RASIP1: variants seen among roughly 807,000 people sequenced by gnomAD.
RASIP1 encodes the protein ras-interacting protein 1.
Under a neutral mutation model 85.3 loss-of-function variants are expected in RASIP1, and 20 were observed. The observed-to-expected ratio is 0.23, with a 90% confidence interval of 0.17 to 0.34. The LOEUF (loss-of-function observed/expected upper bound fraction) is 0.34. Ranked by LOEUF, RASIP1 falls within the 10% of genes least tolerant of loss-of-function variation. The pLI, the probability that RASIP1 is intolerant of heterozygous loss-of-function variation, is 1.00. For synonymous variants in RASIP1, 617 were observed against 647.1 expected, an observed-to-expected ratio of 0.95 and a Z score of 0.71; for missense variants, 1,170 against 1,390.9, an observed-to-expected ratio of 0.84 and a Z score of 2.53.
rs1284532057 is a variant in RASIP1, at chr19:48,740,284, G to A, written c.-2C>T. On this transcript the variant is annotated splice_region_variant and 5_prime_UTR_variant, in exon 2 of 12. Coordinates refer to ENST00000222145, the MANE Select transcript of RASIP1 (RefSeq NM_017805.3). The surrounding 1 kb of genome is among the most constrained non-coding windows in gnomAD (Gnocchi z 5.5). ...CTCCTTCCGTTCACCAGACAGCATGGCCCTAAGGGAAGGCGGGTAAGGCCC... is the reference window on the plus strand; with the variant it reads ...CTCCTTCCGTTCACCAGACAGCATGACCCTAAGGGAAGGCGGGTAAGGCCC... The A allele has an allele frequency of 1.3e-6, 2 of 1,576,106 alleles. No homozygotes were observed. The highest frequency in any genetic ancestry group is 1.4e-5 in the African/African-American group (1 of 71,820).
intron 8 of RASIP1, 137 bp from the exon 9 acceptor site, chr19:48,725,097 A>G: frequency 9.6e-7 from 1 of 1,044,880 alleles, no homozygotes; most frequent in Admixed American, 2.8e-5. Flanking sequence ...TCAACACCCA[A>G]AGGGTCTCCG....
chr19:48,720,757 C>A lies in RASIP1; in HGVS notation c.*41G>T, dbSNP rs781075400. On this transcript the variant is annotated 3_prime_UTR_variant, in exon 12 of 12. Coordinates refer to ENST00000222145, the MANE Select transcript of RASIP1 (RefSeq NM_017805.3). The stretch of plus-strand genomic sequence containing the variant: ...AGGCGGGCTCCTGTCCGTAGAAGCC[C>A]GTGACATTTCAAGGTTCGCGCGCTC... The A allele has an allele frequency of 5.0e-6, 8 of 1,596,428 alleles. No individual in the cohort carries two copies. The African/African-American group carries it at 1.1e-4, about 21-fold the overall frequency.
In RASIP1 at chr19:48,740,415, G is replaced by T; in HGVS notation, c.-5+106C>A. The T allele has an allele frequency of 1.4e-6, 2 of 1,405,862 alleles. No homozygotes were observed. The highest frequency in any genetic ancestry group is 1.4e-5 in the South Asian group (1 of 69,030). The allele number at this position is 1,405,862 out of a possible 1,614,324, so 87.1% of individuals were successfully genotyped here. On this transcript the variant is annotated intron_variant, in intron 1 of 11. Coordinates refer to ENST00000222145, the MANE Select transcript of RASIP1 (RefSeq NM_017805.3). The surrounding 1 kb of genome is among the most constrained non-coding windows in gnomAD (Gnocchi z 5.5). The stretch of plus-strand genomic sequence containing the variant: ...GACTTGCGAGTCCAGGGGGAGGAGA[G>T]GGATGGTACCCTGGATTCCTGGGTC...
intron 8 of RASIP1, among the ~76,000 whole-genome samples, chr19:48,725,991 A>T (rs190548380): frequency 6.6e-6 from 1 of 152,118 alleles, no homozygotes; most frequent in East Asian, 1.9e-4. Context: ...CAATGGTGCG[A>T]TTTCAGCTCA....
intron 10 of RASIP1, among the ~76,000 whole-genome samples, chr19:48,722,439 T>A (rs2033266165): frequency 6.6e-6 from 1 of 151,504 alleles, no homozygotes; most frequent in African/African-American, 2.4e-5. Context: ...CAAGTGATCC[T>A]TGGCCCCAGC....
At position 48,738,804 on chromosome 19, in the gene RASIP1, A is replaced by G; in HGVS notation, c.823+156T>C. Reference sequence around the variant, plus strand: ...CCGGCCCTGCTCTAGCTCTGCCTAGAGTCCAACACGCACCGTCCAGTCCCC... The same window carrying G: ...CCGGCCCTGCTCTAGCTCTGCCTAGGGTCCAACACGCACCGTCCAGTCCCC... On this transcript the variant is annotated intron_variant, in intron 3 of 11. Coordinates refer to ENST00000222145, the MANE Select transcript of RASIP1 (RefSeq NM_017805.3). This position sits in a 1 kb window ranked among gnomAD's most constrained non-coding sequence, Gnocchi z 4.0. 1.1e-6 allele frequency: 1 copy of G among 952,296 alleles called. No individual in the cohort carries two copies. Among genetic ancestry groups the G allele is most frequent in the Non-Finnish European group, 1.3e-6 (1 of 748,776 alleles). The allele number at this position is 952,296 out of a possible 1,614,324, so 59.0% of individuals were successfully genotyped here.
In RASIP1 at chr19:48,739,027, G is replaced by C; in HGVS notation, c.756C>G (p.Phe252Leu). 1 of 1,245,784 alleles carries C rather than the reference G, an allele frequency of 8.0e-7. No individual in the cohort carries two copies. The highest frequency in any genetic ancestry group is 1.0e-6 in the Non-Finnish European group (1 of 998,642). The allele number at this position is 1,245,784 out of a possible 1,614,324, so 77.2% of individuals were successfully genotyped here. Residue 252 changes from phenylalanine (F) to leucine (L), a missense_variant, in exon 3 of 12, where the codon TTC becomes TTG. Phe to Leu is a conservative substitution (Grantham distance 22). This residue lies in a region of RASIP1 where 299 missense variants were observed against 394.4 expected (regional missense o/e 0.76). Transcript: ENST00000222145. The surrounding 1 kb of genome is among the most constrained non-coding windows in gnomAD (Gnocchi z 9.2). Reference sequence around the variant, plus strand: ...GCGCCTCCTCGCGGCCGCGCAACTCGAAGCGCCGCGCCCAGCCGGGCCGCG... The same window carrying C: ...GCGCCTCCTCGCGGCCGCGCAACTCCAAGCGCCGCGCCCAGCCGGGCCGCG... ...WRARPGWARR[F>L]ELRGREEARR...
intron 3 of RASIP1, among the ~76,000 whole-genome samples, chr19:48,735,837 C>T (rs1013704378): frequency 6.6e-6 from 1 of 151,744 alleles, no homozygotes; most frequent in African/African-American, 2.4e-5. Flanking sequence ...GCTCTGTCGC[C>T]CAGGCTGGAG....
intron 4 of RASIP1, among the ~76,000 whole-genome samples, chr19:48,732,240 A>T (rs114275835): frequency 0.02 from 2,946 of 149,704 alleles, 94 homozygotes; most frequent in African/African-American, 0.07. Context: ...ACACCTGGCT[A>T]ATTTTTGTTT....
Position 48,720,948 on chromosome 19 carries a change from C to T in RASIP1, c.2742G>A (p.Leu914=), listed in dbSNP as rs139276826. The part of the protein sequence containing the change: ...FSSHPPLILP[L]GSSRLRLTGP... ...CAGTGAGGCGCAGGCGCGAGCTCCC[C>T]AGGGGGAGGATGAGGGGCGGGTGCG... The change falls in exon 12 of 12, where the codon CTG becomes CTA. Residue 914 remains leucine, a synonymous_variant. Coordinates refer to ENST00000222145, the MANE Select transcript of RASIP1 (RefSeq NM_017805.3). 6.2e-7 allele frequency: 1 copy of T among 1,612,826 alleles called. No homozygotes were observed. Among genetic ancestry groups the T allele is most frequent in the Non-Finnish European group, 8.5e-7 (1 of 1,179,688 alleles).
intron 4 of RASIP1, among the ~76,000 whole-genome samples, chr19:48,734,491 T>TC (rs199898120): frequency 0.41 from 53,762 of 131,692 alleles, 10,732 homozygotes; most frequent in East Asian, 0.8. Flanking sequence ...TTTTTCTTTC[T>TC]TTTTTTTTTT....
At chr19:48,732,129 T>G (rs373542593) in intron 4 of RASIP1, among the ~76,000 whole-genome samples, 3 of 151,398 alleles carry the variant, frequency 2.0e-5, no homozygotes, top group African/African-American at 7.3e-5. Flanking sequence ...TGCAGTGGCA[T>G]TATCTTGGTT....
chr19:48,724,940 A>G lies in RASIP1; in HGVS notation c.2148T>C (p.Pro716=), dbSNP rs150685376. The G allele has an allele frequency of 1.2e-6, 2 of 1,613,346 alleles. No individual in the cohort carries two copies. The highest frequency in any genetic ancestry group is 2.2e-5 in the East Asian group (1 of 44,852). Residue 716 remains proline (P), a synonymous_variant, in exon 9 of 12, where the codon CCT becomes CCC. Coordinates refer to ENST00000222145, the MANE Select transcript of RASIP1 (RefSeq NM_017805.3). The surrounding 1 kb of genome is among the most constrained non-coding windows in gnomAD (Gnocchi z 4.6). ...TGAAAGGGTTACTATCCAGGAGAGC[A>G]GGCAGCGTTGAATAGAGAGTCTGAG... ...YLTKTLYSTL[P]ALLDSNPFTA...
At position 48,728,919 on chromosome 19, in the gene RASIP1, C is replaced by A; in HGVS notation, c.1833+18G>T. ...TTGGGGCGCTGGTGGGGCTGGACGGCGATTGGGGGGCGCTCACCCAGACGG... is the reference window on the plus strand; with the variant it reads ...TTGGGGCGCTGGTGGGGCTGGACGGAGATTGGGGGGCGCTCACCCAGACGG... On this transcript the variant is annotated intron_variant, in intron 5 of 11. Coordinates refer to ENST00000222145, the MANE Select transcript of RASIP1 (RefSeq NM_017805.3). The A allele has an allele frequency of 7.0e-7, 1 of 1,431,608 alleles. No individual in the cohort carries two copies. The highest frequency in any genetic ancestry group is 9.1e-7 in the Non-Finnish European group (1 of 1,102,694). The allele number at this position is 1,431,608 out of a possible 1,614,324, so 88.7% of individuals were successfully genotyped here.
Position 48,724,411 on chromosome 19 carries a change from T to C in RASIP1, c.2470A>G (p.Ile824Val). ...DWLQGAGLGD[I>V]ATEFFRKLSM... ...AGTTTCCGGAAGAACTCAGTGGCAA[T>C]GTCGCCCAGCCCAGCTCCCTGTAGC... Residue 824 changes from isoleucine (I) to valine (V), a missense_variant, in exon 10 of 12, where the codon ATT (isoleucine) becomes GTT (valine). Transcript: ENST00000222145. The surrounding 1 kb of genome is among the most constrained non-coding windows in gnomAD (Gnocchi z 4.6). 6.2e-7 allele frequency: 1 copy of C among 1,614,136 alleles called. No homozygotes were observed. Among genetic ancestry groups the C allele is most frequent in the Non-Finnish European group, 8.5e-7 (1 of 1,180,008 alleles).
rs201718967 is a variant in RASIP1, at chr19:48,735,551, C to T, written c.824G>A (p.Gly275Asp). ...QEAFGAADSEGTGAPSWRPQK... is the reference protein window; with the variant it reads ...QEAFGAADSEDTGAPSWRPQK... ...TGGCCGCCACGAAGGGGCGCCGGTG[C>T]CTGCGGAGAGATGGAGAACAGTGAG... Residue 275 changes from glycine to aspartate, a missense_variant and splice_region_variant, in exon 4 of 12, where the codon GGC becomes GAC. Physicochemically the swap from Gly to Asp is moderately conservative, Grantham distance 94. This residue lies in a region of RASIP1 where 301 missense variants were observed against 294.8 expected (regional missense o/e 1.02). Transcript: ENST00000222145. The T allele has an allele frequency of 6.5e-7, 1 of 1,530,918 alleles. No individual in the cohort carries two copies. Among genetic ancestry groups the T allele is most frequent in the Non-Finnish European group, 8.8e-7 (1 of 1,137,516 alleles). The allele number at this position is 1,530,918 out of a possible 1,614,324, so 94.8% of individuals were successfully genotyped here. A position where few individuals can be genotyped will look rare whatever the true frequency, so the allele number is the denominator to read the frequency against.
At position 48,724,867 on chromosome 19, in the gene RASIP1, G is replaced by C. The variant is rs748122600; in HGVS notation, c.2221C>G (p.Pro741Ala). 1.9e-6 allele frequency: 3 copies of C among 1,614,126 alleles called. No individual in the cohort carries two copies. Among genetic ancestry groups the C allele is most frequent in the Non-Finnish European group, 2.5e-6 (3 of 1,180,056 alleles). ...CCCAGGGTAGGTCTCAATCCTGGAG[G>C]CATGGCCCCCAGCTCCGCGCCAGGC... ...PGPGAELGAM[P>A]PGLRPTLGVF... Residue 741 changes from proline (P) to alanine (A), a missense_variant, in exon 9 of 12, where the codon CCT becomes GCT. Physicochemically the swap from Pro to Ala is conservative, Grantham distance 27. Coordinates refer to ENST00000222145, the MANE Select transcript of RASIP1 (RefSeq NM_017805.3). The surrounding 1 kb of genome is among the most constrained non-coding windows in gnomAD (Gnocchi z 4.6).
chr19:48,721,474 G>A (rs763254616), intron 11 of RASIP1, among the ~76,000 whole-genome samples: 2 of 152,110 alleles, frequency 1.3e-5, no homozygotes, highest in Non-Finnish European at 2.9e-5. Context: ...CAGAATCTGG[G>A]GTTAGAAGGA....
Position 48,720,940 on chromosome 19 carries a change from G to A in RASIP1, c.2750C>T (p.Ser917Leu), listed in dbSNP as rs2033219277. The change falls in exon 12 of 12, where the codon TCG (serine) becomes TTG (leucine). Residue 917 changes from serine (S) to leucine (L), a missense_variant. By Grantham distance (145) the Ser-to-Leu change is moderately radical. This residue lies in a region of RASIP1 where 144 missense variants were observed against 125.5 expected (regional missense o/e 1.15). Coordinates refer to ENST00000222145, the MANE Select transcript of RASIP1 (RefSeq NM_017805.3). ...CACTGGACCAGTGAGGCGCAGGCGC[G>A]AGCTCCCCAGGGGGAGGATGAGGGG... The part of the protein sequence containing the change: ...HPPLILPLGS[S>L]RLRLTGPVTD... 6.2e-7 allele frequency: 1 copy of A among 1,613,310 alleles called. No individual in the cohort carries two copies. The highest frequency in any genetic ancestry group is 8.5e-7 in the Non-Finnish European group (1 of 1,179,876).
Sources: gnomAD v4.1 joint callset for allele counts (sites outside exome capture counted in the v4.1 genomes callset) on GRCh38, gnomAD v4.1.1 for gene constraint, gnomAD v4.1.1 regional missense constraint, Gnocchi (gnomAD v3.1) non-coding constraint, MANE v1.5 for transcripts, NCBI Gene and HGNC (gene_info 2026-07-23, HGNC 2026-07-21) for gene names.